The following TGFBR3 variants were observed in gnomAD, a reference collection of about 807,000 sequenced individuals.
TGFBR3 encodes the protein transforming growth factor beta receptor 3.
In TGFBR3, 46 loss-of-function variants were observed where a neutral mutation model predicts 87.9. That is an observed-to-expected ratio of 0.52 (90% CI 0.41 to 0.67). The LOEUF (loss-of-function observed/expected upper bound fraction) is 0.67, where lower values mean the gene tolerates loss of function less well. Ranked by LOEUF, TGFBR3 falls within the 30% of genes least tolerant of loss-of-function variation. TGFBR3 has a pLI of 0.00. For missense variants in TGFBR3, 866 were observed against 1,041.9 expected, an observed-to-expected ratio of 0.83 and a Z score of 2.32; for synonymous variants, 381 against 391.6, an observed-to-expected ratio of 0.97 and a Z score of 0.32.
chr1:91,787,929 C>T (rs2100983691), intron 3 of TGFBR3, among the ~76,000 whole-genome samples: 1 of 133,096 alleles, frequency 7.5e-6, no homozygotes, highest in African/African-American at 3.5e-5. Flanking sequence ...CAGAGCCAGA[C>T]CCTGTCTCAC....
chr1:91,826,105 G>A (rs1676623921), intron 2 of TGFBR3, among the ~76,000 whole-genome samples: 1 of 152,134 alleles, frequency 6.6e-6, no homozygotes, highest in African/African-American at 2.4e-5. Flanking sequence ...GCCAGCTACA[G>A]TGGCCACAAA....
chr1:91,752,764 T>C (rs182930813), intron 4 of TGFBR3, among the ~76,000 whole-genome samples: 1 of 151,848 alleles, frequency 6.6e-6, no homozygotes, highest in African/African-American at 2.4e-5. Flanking sequence ...GGCTCACACC[T>C]GTAATCCCAG....
intron 2 of TGFBR3, among the ~76,000 whole-genome samples, chr1:91,799,221 G>T (rs1675506793): frequency 1.3e-5 from 2 of 152,232 alleles, no homozygotes; most frequent in South Asian, 4.1e-4. Context: ...AGGACTTACA[G>T]AAATTATCTA....
At chr1:91,799,070 G>A (rs1353298964) in intron 2 of TGFBR3, among the ~76,000 whole-genome samples, 4 of 152,048 alleles carry the variant, frequency 2.6e-5, no homozygotes, top group Non-Finnish European at 5.9e-5. Context: ...TAGAACCCAC[G>A]AAAAAGGCCT....
At chr1:91,729,280 GCGCATACA>G (rs1475581119) in intron 6 of TGFBR3, among the ~76,000 whole-genome samples, 1 of 62,832 alleles carries the variant, frequency 1.6e-5, no homozygotes, top group Non-Finnish European at 3.3e-5. Context: ...ACACGTGCAT[GCGCATACA>G]CACACACACA....
chr1:91,758,527 T>G, intron 4 of TGFBR3, 86 bp downstream of exon 4: 3 of 1,476,468 alleles, frequency 2.0e-6, no homozygotes, highest in Non-Finnish European at 2.8e-6. Flanking sequence ...TCAGTGAAAG[T>G]AAGCCTTTAT....
intron 2 of TGFBR3, among the ~76,000 whole-genome samples, chr1:91,840,049 C>T (rs548992346): frequency 3.0e-4 from 46 of 152,072 alleles, no homozygotes; most frequent in African/African-American, 9.9e-4. Flanking sequence ...GTGGCTCACG[C>T]CTGTAATCCC....
At chr1:91,736,485 C>T (rs534673921) in intron 4 of TGFBR3, among the ~76,000 whole-genome samples, 20 of 134,810 alleles carry the variant, frequency 1.5e-4, no homozygotes, top group Admixed American at 1.2e-3. Flanking sequence ...AGTGTAGTCA[C>T]GATCATTTCT....
At chr1:91,780,854 G>A (rs1298339969) in intron 3 of TGFBR3, among the ~76,000 whole-genome samples, 3 of 149,304 alleles carry the variant, frequency 2.0e-5, no homozygotes, top group Admixed American at 6.7e-5. Context: ...CACTGCACCC[G>A]GCCTTCCTAA....
At position 91,689,840 on chromosome 1, in the gene TGFBR3, T is replaced by TAAAAAAAAAAAAAAAAA; in HGVS notation, c.2437+5815_2437+5831dup. On this transcript the variant is annotated intron_variant, in intron 16 of 16. Transcript: ENST00000212355. ...CAAGGACTCCCTTTAAGAAACTGAT[T>TAAAAAAAAAAAAAAAAA]AAAAAAAAAAAAAAAAAAAAAAAAG... is the stretch of plus-strand genomic sequence containing the variant. Among the ~76,000 whole-genome samples, 2 of 99,282 alleles carry TAAAAAAAAAAAAAAAAA rather than the reference T, an allele frequency of 2.0e-5. 1 individual carries two copies. The highest frequency in any genetic ancestry group is 4.0e-5 in the Non-Finnish European group (2 of 50,596). The allele number at this position is 99,282 out of a possible 152,430, so 65.1% of individuals were successfully genotyped here.
chr1:91,889,314 C>G (rs1679398245), upstream of TGFBR3, among the ~76,000 whole-genome samples: 1 of 152,050 alleles, frequency 6.6e-6, no homozygotes, highest in Non-Finnish European at 1.5e-5. Flanking sequence ...CTCACATCCA[C>G]CGACCTCAAA....
At chr1:91,857,758 G>T (rs1257838863) in intron 2 of TGFBR3, among the ~76,000 whole-genome samples, 1 of 152,132 alleles carries the variant, frequency 6.6e-6, no homozygotes, top group African/African-American at 2.4e-5. Flanking sequence ...GGACAACACA[G>T]CAAGATCCCA....
At chr1:91,784,321 G>C (rs894360569) in intron 3 of TGFBR3, among the ~76,000 whole-genome samples, 1 of 152,184 alleles carries the variant, frequency 6.6e-6, no homozygotes, top group Middle Eastern at 3.4e-3. Context: ...CTATGCAAAA[G>C]GAAAGTCATT....
At position 91,723,596 on chromosome 1, in the gene TGFBR3, GT is replaced by G. The variant is rs1319525165; in HGVS notation, c.886-1453del. On this transcript the variant is annotated intron_variant, in intron 7 of 16. Transcript: ENST00000212355. ...ATATAAATGGACTCTACTCAACCAG[GT>G]TATTCAACAAGGACATGGAAGGTAA... Among the ~76,000 whole-genome samples, 20 of 151,854 alleles carry G rather than the reference GT, an allele frequency of 1.3e-4. No individual in the cohort carries two copies. In the East Asian group the frequency reaches 3.7e-3, roughly 28 times the overall value.
chr1:91,729,704 G>A (rs114504921), intron 6 of TGFBR3, 101 bp downstream of exon 6: 22 of 1,376,278 alleles, frequency 1.6e-5, no homozygotes, highest in African/African-American at 1.1e-4. Context: ...TCCCTCCTGC[G>A]TAGGGGAGGG....
At chr1:91,789,122 C>T (rs1482653486) in intron 3 of TGFBR3, among the ~76,000 whole-genome samples, 1 of 152,156 alleles carries the variant, frequency 6.6e-6, no homozygotes, top group Non-Finnish European at 1.5e-5. Context: ...ATGGTGAAAC[C>T]CCGTCTCTAC....
At chr1:91,815,378 C>G (rs1402339895) in intron 2 of TGFBR3, among the ~76,000 whole-genome samples, 1 of 151,224 alleles carries the variant, frequency 6.6e-6, no homozygotes, top group Non-Finnish European at 1.5e-5. Context: ...TCAGGGTCAT[C>G]ATGAAAACAA....
At chr1:91,746,504 T>C (rs922294390) in intron 4 of TGFBR3, among the ~76,000 whole-genome samples, 2 of 152,148 alleles carry the variant, frequency 1.3e-5, no homozygotes, top group Non-Finnish European at 2.9e-5. Context: ...CTAAATGATG[T>C]TTTTCACGAA....
intron 1 of TGFBR3, among the ~76,000 whole-genome samples, chr1:91,882,825 G>T (rs1205608297): frequency 6.6e-6 from 1 of 152,106 alleles, no homozygotes; most frequent in East Asian, 1.9e-4. Flanking sequence ...TTACAAGTAT[G>T]AGTATTCATA....
Sources: allele counts gnomAD v4.1 joint callset (sites outside exome capture counted in the v4.1 genomes callset), GRCh38; gene constraint gnomAD v4.1.1; transcripts MANE v1.5; gene names NCBI Gene and HGNC (gene_info 2026-07-23, HGNC 2026-07-21).